ADAMTS17: variants seen among roughly 807,000 people sequenced by gnomAD.
The protein encoded by ADAMTS17 is A disintegrin and metalloproteinase with thrombospondin motifs 17.
A neutral mutation model predicts 141.5 loss-of-function variants in ADAMTS17; 113 were observed. The ratio of observed to expected loss-of-function variants is 0.80; its 90% CI spans 0.69 to 0.93. ADAMTS17 has a LOEUF of 0.93. Among genes scored for constraint, ADAMTS17 ranks in the 40% least tolerant of loss-of-function variants. The pLI is 0.00. For synonymous variants in ADAMTS17, 768 were observed against 630.6 expected (o/e 1.22, Z -3.27); for missense variants, 1,659 against 1,517.9 (o/e 1.09, Z -1.54).
chr15:100,184,038 G>A (rs1414060282), intron 8 of ADAMTS17, among the ~76,000 whole-genome samples: 1 of 149,080 alleles, frequency 6.7e-6, no homozygotes, highest in African/African-American at 2.6e-5. Context: ...GGGTTTCATT[G>A]CTGCTGCTGC....
chr15:100,171,025 G>C (rs2040139950), intron 8 of ADAMTS17, among the ~76,000 whole-genome samples: 1 of 152,040 alleles, frequency 6.6e-6, no homozygotes, highest in Non-Finnish European at 1.5e-5. Context: ...CCCCCCTTAG[G>C]GGCAGCCTCT....
chr15:100,120,129 G>A (rs1309450204), intron 12 of ADAMTS17, among the ~76,000 whole-genome samples: 1 of 152,158 alleles, frequency 6.6e-6, no homozygotes, highest in East Asian at 1.9e-4. Flanking sequence ...AATGATGTCG[G>A]GAAGAGAGCT....
At chr15:100,331,530 A>G (rs1227821795) in intron 2 of ADAMTS17, among the ~76,000 whole-genome samples, 1 of 152,152 alleles carries the variant, frequency 6.6e-6, no homozygotes, top group Admixed American at 6.5e-5. Flanking sequence ...GCCCTCCTTC[A>G]GCAGGCACCT....
intron 20 of ADAMTS17, among the ~76,000 whole-genome samples, chr15:99,989,726 A>C (rs2060655257): frequency 6.6e-6 from 1 of 152,216 alleles, no homozygotes; most frequent in African/African-American, 2.4e-5. Context: ...AGTGTTGTCT[A>C]TAAAAGGCCA....
intron 18 of ADAMTS17, among the ~76,000 whole-genome samples, chr15:100,048,109 C>T (rs1487045714): frequency 1.3e-5 from 2 of 152,080 alleles, no homozygotes; most frequent in Admixed American, 6.5e-5. Flanking sequence ...GTTAAGAAAC[C>T]TAGAAAATGG....
At chr15:100,294,830 C>T (rs1402314101) in intron 3 of ADAMTS17, among the ~76,000 whole-genome samples, 5 of 152,192 alleles carry the variant, frequency 3.3e-5, no homozygotes, top group Non-Finnish European at 7.3e-5. Context: ...GTGAAAACCA[C>T]CTATTTGAAC....
intron 15 of ADAMTS17, among the ~76,000 whole-genome samples, chr15:100,068,754 G>C (rs989328785): frequency 1.3e-5 from 2 of 152,132 alleles, no homozygotes; most frequent in East Asian, 3.8e-4. Context: ...CCATCTGTAT[G>C]TCACCATCAT....
At chr15:100,116,793 A>G (rs2141147770) in intron 13 of ADAMTS17, 54 bp downstream of exon 13, 1 of 1,612,710 alleles carries the variant, frequency 6.2e-7, no homozygotes, top group Non-Finnish European at 8.5e-7. Flanking sequence ...TGGTTTTTAT[A>G]TTCTTAGGGG....
At chr15:100,188,169 C>A (rs552868685) in intron 8 of ADAMTS17, among the ~76,000 whole-genome samples, 122 of 152,088 alleles carry the variant, frequency 8.0e-4, no homozygotes, top group Non-Finnish European at 1.4e-3. Context: ...CTCCACCTCC[C>A]GGGTTTAAGG....
chr15:100,053,918 G>A lies in ADAMTS17; in HGVS notation c.2274C>T (p.Thr758=), dbSNP rs1478824193. 24 of 1,614,088 alleles carry A rather than the reference G, an allele frequency of 1.5e-5. No homozygotes were observed. The highest frequency in any genetic ancestry group is 2.0e-5 in the Non-Finnish European group (24 of 1,180,042). Residue 758 remains threonine (T), a synonymous_variant, in exon 16 of 22, where the codon ACC becomes ACT. Transcript: ENST00000268070. ...TTACCATCAAGTGCAGCGGTAGTTTGGTTGGTCCCTTGGCAGAGATCTTCT... is the reference window on the plus strand; with the variant it reads ...TTACCATCAAGTGCAGCGGTAGTTTAGTTGGTCCCTTGGCAGAGATCTTCT... ...LWEKISAKGP[T]KLPLHLMVLL...
At chr15:100,195,098 G>C (rs1178303163) in intron 8 of ADAMTS17, among the ~76,000 whole-genome samples, 1 of 152,230 alleles carries the variant, frequency 6.6e-6, no homozygotes, top group Non-Finnish European at 1.5e-5. Context: ...CATCAGAATA[G>C]CCTTTCACGG....
rs1278981233 is a variant in ADAMTS17, at chr15:99,994,118, C to T, written c.2797-918G>A. ...AAGCAAAGCAGAAGGAAGCCCAGGC[C>T]GAGCTGACCCACAGCCTCGGGAAGA... is the stretch of plus-strand genomic sequence containing the variant. On this transcript the variant is annotated intron_variant, in intron 19 of 21. Coordinates refer to ENST00000268070, the MANE Select transcript of ADAMTS17 (RefSeq NM_139057.4). Among the ~76,000 whole-genome samples, 8 of 152,092 alleles carry T rather than the reference C, an allele frequency of 5.3e-5. 1 individual carries two copies. In the South Asian group the frequency reaches 6.2e-4, roughly 12 times the overall value.
chr15:100,206,328 T>C (rs899942), intron 7 of ADAMTS17, among the ~76,000 whole-genome samples: 3 of 152,118 alleles, frequency 2.0e-5, no homozygotes, highest in African/African-American at 4.8e-5. Context: ...GTGTGTGCAC[T>C]TGAGTGTACG....
At chr15:100,115,129 C>G (rs538460200) in intron 13 of ADAMTS17, among the ~76,000 whole-genome samples, 3 of 152,294 alleles carry the variant, frequency 2.0e-5, no homozygotes, top group East Asian at 3.9e-4. Flanking sequence ...CCGGGGAAAG[C>G]TGAAGGTTCG....
chr15:100,112,090 G>A (rs1221988032), intron 13 of ADAMTS17, among the ~76,000 whole-genome samples: 2 of 152,238 alleles, frequency 1.3e-5, no homozygotes, highest in Admixed American at 6.5e-5. Flanking sequence ...GAAAAGCAGA[G>A]GCTGTTTTGA....
chr15:100,023,567 TG>T (rs2061445738), intron 18 of ADAMTS17, among the ~76,000 whole-genome samples: 1 of 152,088 alleles, frequency 6.6e-6, no homozygotes, highest in Non-Finnish European at 1.5e-5. Flanking sequence ...TAACTGTATT[TG>T]GGGCCACTCA....
chr15:100,226,488 G>A (rs1217239835), intron 7 of ADAMTS17, among the ~76,000 whole-genome samples: 1 of 152,244 alleles, frequency 6.6e-6, no homozygotes, highest in Non-Finnish European at 1.5e-5. Flanking sequence ...TCCAGACCAC[G>A]AAGTGAAGAG....
intron 12 of ADAMTS17, among the ~76,000 whole-genome samples, chr15:100,123,244 T>A (rs1239068780): frequency 1.3e-5 from 2 of 152,188 alleles, no homozygotes; most frequent in Non-Finnish European, 2.9e-5. Flanking sequence ...AGGGCAGGGC[T>A]CTTACTCACT....
chr15:99,975,483 T>A (rs979071281), intron 21 of ADAMTS17, among the ~76,000 whole-genome samples: 6 of 152,084 alleles, frequency 3.9e-5, no homozygotes, highest in Non-Finnish European at 7.4e-5. Flanking sequence ...GTGCTGGGAT[T>A]TACAGGCATG....
Sources: gnomAD v4.1 joint callset for allele counts (sites outside exome capture counted in the v4.1 genomes callset) on GRCh38, gnomAD v4.1.1 for gene constraint, MANE v1.5 for transcripts, NCBI Gene and HGNC (gene_info 2026-07-23, HGNC 2026-07-21) for gene names.